The following GPC6 variants were observed in gnomAD, a reference collection of about 807,000 sequenced individuals.
GPC6 encodes glypican-6.
GPC6 carries 14 observed loss-of-function variants against 55.2 expected under a neutral mutation model. The observed-to-expected ratio is 0.25, with a 90% CI of 0.17 to 0.40. GPC6 has a LOEUF of 0.40. Among genes scored for constraint, GPC6 ranks in the 10% least tolerant of loss-of-function variants. GPC6 has a pLI of 1.00. For synonymous variants in GPC6, 278 were observed against 259.6 expected (o/e 1.07, Z -0.68); for missense variants, 641 against 708.5 (o/e 0.90, Z 1.08).
chr13:93,985,216 T>G (rs1880970978), intron 3 of GPC6, among the ~76,000 whole-genome samples: 1 of 152,004 alleles, frequency 6.6e-6, no homozygotes, highest in Non-Finnish European at 1.5e-5. Context: ...GACTGGATCA[T>G]GAGGTCAAGA....
chr13:93,604,191 A>T (rs1187164323), intron 2 of GPC6, among the ~76,000 whole-genome samples: 1 of 152,252 alleles, frequency 6.6e-6, no homozygotes, highest in Non-Finnish European at 1.5e-5. Context: ...AGGGATTGAA[A>T]GGACTCAGCT....
At chr13:93,969,449 G>GA (rs1455054978) in intron 3 of GPC6, among the ~76,000 whole-genome samples, 1 of 152,142 alleles carries the variant, frequency 6.6e-6, no homozygotes, top group African/African-American at 2.4e-5. Context: ...AGCAGACAGA[G>GA]AAAATGCATC....
At chr13:93,943,306 G>A (rs1878826502) in intron 3 of GPC6, among the ~76,000 whole-genome samples, 1 of 152,140 alleles carries the variant, frequency 6.6e-6, no homozygotes, top group Non-Finnish European at 1.5e-5. Context: ...GGTGAGAACT[G>A]CTTAGAGTCA....
chr13:93,817,804 G>A (rs1167655769), intron 2 of GPC6, among the ~76,000 whole-genome samples: 2 of 151,916 alleles, frequency 1.3e-5, no homozygotes, highest in Non-Finnish European at 2.9e-5. Context: ...AGGTTGCAGA[G>A]CCGAGATGGT....
intron 2 of GPC6, among the ~76,000 whole-genome samples, chr13:93,767,102 C>G (rs1173947718): frequency 6.6e-6 from 1 of 151,802 alleles, no homozygotes; most frequent in Non-Finnish European, 1.5e-5. Context: ...ATAATTATTT[C>G]TTTTTAAATA....
chr13:93,311,147 A>C (rs1211176524), intron 1 of GPC6, among the ~76,000 whole-genome samples: 1 of 152,204 alleles, frequency 6.6e-6, no homozygotes, highest in South Asian at 2.1e-4. Flanking sequence ...AGGGTAGGGC[A>C]ATGCCAGCTG....
chr13:93,941,768 CT>C (rs1878749688), intron 3 of GPC6, among the ~76,000 whole-genome samples: 1 of 152,188 alleles, frequency 6.6e-6, no homozygotes, highest in Middle Eastern at 3.4e-3. Context: ...CTTATATAGA[CT>C]TATTTTGTAG....
chr13:93,507,851 C>T (rs530311818), intron 1 of GPC6, among the ~76,000 whole-genome samples: 1 of 151,902 alleles, frequency 6.6e-6, no homozygotes, highest in East Asian at 1.9e-4. Flanking sequence ...CTTGTCTCTA[C>T]CAACTACTGT....
At chr13:93,418,422 T>C (rs1876785840) in intron 1 of GPC6, among the ~76,000 whole-genome samples, 1 of 151,364 alleles carries the variant, frequency 6.6e-6, no homozygotes, top group Admixed American at 6.6e-5. Flanking sequence ...TTAATAGCAC[T>C]ATACCATAGT....
At chr13:93,506,431 T>A (rs1880716089) in intron 1 of GPC6, among the ~76,000 whole-genome samples, 1 of 152,152 alleles carries the variant, frequency 6.6e-6, no homozygotes, top group African/African-American at 2.4e-5. Context: ...ACTCAAATGA[T>A]CATTATACTA....
intron 4 of GPC6, among the ~76,000 whole-genome samples, chr13:94,054,438 C>T (rs760389020): frequency 1.3e-5 from 2 of 152,186 alleles, no homozygotes; most frequent in Non-Finnish European, 2.9e-5. Flanking sequence ...GTTTCTAATT[C>T]AGTAGGTCTG....
chr13:94,398,533 A>ATCACTCGGCCTGACACT lies in GPC6; in HGVS notation c.1359_1375dup (p.Phe459SerfsTer17). 6.2e-7 allele frequency: 1 copy of ATCACTCGGCCTGACACT among 1,613,620 alleles called. No homozygotes were observed. The highest frequency in any genetic ancestry group is 8.5e-7 in the Non-Finnish European group (1 of 1,179,478). ...CAACAATCCCGAGGTGGATGTGGAC[A>ATCACTCGGCCTGACACT]TCACTCGGCCTGACACTTTCATCAG... On this transcript the variant is annotated frameshift_variant, in exon 8 of 9. Transcript: ENST00000377047. LOFTEE classifies it high-confidence loss of function.
At chr13:94,086,443 G>A (rs1388723109) in intron 4 of GPC6, among the ~76,000 whole-genome samples, 1 of 150,290 alleles carries the variant, frequency 6.7e-6, no homozygotes, top group Non-Finnish European at 1.5e-5. Context: ...ACTGGGGAGA[G>A]GCAGATCACA....
intron 4 of GPC6, among the ~76,000 whole-genome samples, chr13:94,223,822 C>T (rs1890460959): frequency 6.6e-6 from 1 of 152,108 alleles, no homozygotes. Flanking sequence ...TTTGCAAATT[C>T]ACCTACTCAC....
At chr13:93,998,416 C>T (rs1306267295) in intron 3 of GPC6, among the ~76,000 whole-genome samples, 1 of 152,154 alleles carries the variant, frequency 6.6e-6, no homozygotes, top group Non-Finnish European at 1.5e-5. Flanking sequence ...AAGCACACCA[C>T]TAATTAAGCA....
At chr13:94,216,916 G>A (rs1158590687) in intron 4 of GPC6, among the ~76,000 whole-genome samples, 1 of 152,086 alleles carries the variant, frequency 6.6e-6, no homozygotes, top group Non-Finnish European at 1.5e-5. Flanking sequence ...TGAAGAATTG[G>A]GATTTAAAGT....
chr13:94,300,757 A>G (rs1209502731), intron 5 of GPC6, among the ~76,000 whole-genome samples: 1 of 152,182 alleles, frequency 6.6e-6, no homozygotes, highest in Non-Finnish European at 1.5e-5. Context: ...AGGTGGTAAT[A>G]CCGATTCTGT....
intron 5 of GPC6, among the ~76,000 whole-genome samples, chr13:94,292,702 C>T (rs1875055751): frequency 6.6e-6 from 1 of 152,138 alleles, no homozygotes; most frequent in Non-Finnish European, 1.5e-5. Flanking sequence ...TTTCCCCAAA[C>T]TCTCACATCA....
chr13:93,975,030 G>A (rs1367428799), intron 3 of GPC6, among the ~76,000 whole-genome samples: 1 of 152,072 alleles, frequency 6.6e-6, no homozygotes, highest in African/African-American at 2.4e-5. Context: ...CCAAAGTATG[G>A]TCCCTGGACC....
Sources: allele counts gnomAD v4.1 joint callset (sites outside exome capture counted in the v4.1 genomes callset), GRCh38; gene constraint gnomAD v4.1.1; transcripts MANE v1.5; gene names NCBI Gene and HGNC (gene_info 2026-07-23, HGNC 2026-07-21).